ERG: variants seen among roughly 807,000 people sequenced by gnomAD.
ERG encodes the protein ETS transcription factor ERG.
Under a neutral mutation model 55.3 loss-of-function variants are expected in ERG, and 9 were observed. The ratio of observed to expected loss-of-function variants is 0.16; its 90% CI spans 0.10 to 0.28. The LOEUF (loss-of-function observed/expected upper bound fraction) is 0.28. Among genes scored for constraint, ERG ranks in the 10% least tolerant of loss-of-function variants. The probability of loss-of-function intolerance (pLI) is 1.00; values close to 1 mark genes in which losing one functional copy is unlikely to be tolerated. For synonymous variants in ERG, 223 were observed against 237.3 expected (o/e 0.94, Z 0.55); for missense variants, 434 against 631.6 (o/e 0.69, Z 3.35).
chr21:38,425,329 G>A (rs1348850798), intron 2 of ERG, among the ~76,000 whole-genome samples: 1 of 151,972 alleles, frequency 6.6e-6, no homozygotes, highest in Non-Finnish European at 1.5e-5. Flanking sequence ...AGGTCGTGGT[G>A]AGCTGAGATG....
At chr21:38,525,195 C>A (rs2059621496) in intron 2 of ERG, among the ~76,000 whole-genome samples, 1 of 152,146 alleles carries the variant, frequency 6.6e-6, no homozygotes, top group South Asian at 2.1e-4. Context: ...GATTCTCAAG[C>A]CCCTCCCTAC....
At chr21:38,376,713 C>T (rs1228596576), downstream of ERG, among the ~76,000 whole-genome samples, 1 of 152,264 alleles carries the variant, frequency 6.6e-6, no homozygotes, top group Admixed American at 6.5e-5. Flanking sequence ...ATCCTGAGGC[C>T]GCTGTATGGT....
At chr21:38,627,178 A>T (rs1030598140) in intron 1 of ERG, among the ~76,000 whole-genome samples, 1 of 152,210 alleles carries the variant, frequency 6.6e-6, no homozygotes, top group Non-Finnish European at 1.5e-5. Flanking sequence ...TCTAAAAATG[A>T]ATGTCTTAAG....
At position 38,509,004 on chromosome 21, in the gene ERG, C is replaced by G. The variant is rs188911098; in HGVS notation, c.-41+66658G>C. On this transcript the variant is annotated intron_variant, in intron 2 of 8. Coordinates refer to the ERG transcript ENST00000398897. Reference sequence around the variant, plus strand: ...TCCAGTCATCAGTCCCAGCCCACAGCCAGCATTAACCCCCAGAGGTATAAA... The same window carrying G: ...TCCAGTCATCAGTCCCAGCCCACAGGCAGCATTAACCCCCAGAGGTATAAA... Among the ~76,000 whole-genome samples the G allele has an allele frequency of 3.2e-4, 48 of 152,290 alleles. 1 individual carries two copies. The East Asian group carries it at 8.3e-3, about 26-fold the overall frequency.
rs909524238 is a variant in ERG at position 38,381,941 on chromosome 21, T to C, written c.*1462A>G. ...ACAAGTTCCTGGACAAAGTAAATTATAACACAAAATCCACAACATTCAGCA... is the reference window on the plus strand; with the variant it reads ...ACAAGTTCCTGGACAAAGTAAATTACAACACAAAATCCACAACATTCAGCA... On this transcript the variant is annotated 3_prime_UTR_variant, in exon 10 of 10. Coordinates refer to ENST00000288319, the MANE Select transcript of ERG (RefSeq NM_182918.4). 5 of 1,062,974 alleles carry C rather than the reference T, an allele frequency of 4.7e-6. No individual in the cohort carries two copies. Among genetic ancestry groups the C allele is most frequent in the East Asian group, 5.1e-5 (1 of 19,718 alleles). 65.8% of individuals were successfully genotyped at this position (1,062,974 alleles called of 1,614,324 possible). A position where few individuals can be genotyped will look rare whatever the true frequency, so the allele number is the denominator to read the frequency against.
chr21:38,422,509 C>G (rs9977445), intron 3 of ERG, among the ~76,000 whole-genome samples: 9,918 of 152,286 alleles, frequency 0.065, 436 homozygotes, highest in Non-Finnish European at 0.088. Context: ...GCAAAGATTG[C>G]TTGAGATCAC....
At chr21:38,477,540 T>G (rs1420741977) in intron 1 of ERG, among the ~76,000 whole-genome samples, 1 of 152,202 alleles carries the variant, frequency 6.6e-6, no homozygotes, top group Non-Finnish European at 1.5e-5. Context: ...ACCGAGTGGT[T>G]AGAGAATCTA....
At chr21:38,543,013 T>C (rs542249539) in intron 2 of ERG, among the ~76,000 whole-genome samples, 1 of 152,298 alleles carries the variant, frequency 6.6e-6, no homozygotes, top group South Asian at 2.1e-4. Flanking sequence ...CAAGCTCTGT[T>C]CTTCAAAATT....
chr21:38,461,812 T>A (rs2059045526), intron 1 of ERG, among the ~76,000 whole-genome samples: 1 of 152,240 alleles, frequency 6.6e-6, no homozygotes, highest in African/African-American at 2.4e-5. Context: ...TTTATTTATT[T>A]TTATTTTTTG....
At chr21:38,406,614 TTTTTG>T (rs1218736126) in intron 3 of ERG, among the ~76,000 whole-genome samples, 2 of 152,148 alleles carry the variant, frequency 1.3e-5, no homozygotes, top group African/African-American at 4.8e-5. Flanking sequence ...GAAACCCACC[TTTTTG>T]TTTTGTTTTG....
intron 2 of ERG, among the ~76,000 whole-genome samples, chr21:38,562,909 T>G (rs1342210372): frequency 6.6e-6 from 1 of 152,174 alleles, no homozygotes; most frequent in Non-Finnish European, 1.5e-5. Flanking sequence ...ATATATAGTA[T>G]TCACCTAATT....
chr21:38,423,268 G>A, intron 3 of ERG, 142 bp downstream of exon 3: 1 of 769,266 alleles, frequency 1.3e-6, no homozygotes, highest in Non-Finnish European at 2.0e-6. Flanking sequence ...ATAGACCTCT[G>A]CCAGCTCCCA....
intron 1 of ERG, chr21:38,575,871 T>G: frequency 1.4e-6 from 1 of 729,232 alleles, no homozygotes; most frequent in East Asian, 2.7e-5. Context: ...TAAACATGTT[T>G]GCCTAAAGGC....
intron 1 of ERG, among the ~76,000 whole-genome samples, chr21:38,603,915 C>T (rs909417469): frequency 1.1e-4 from 16 of 151,680 alleles, no homozygotes; most frequent in African/African-American, 3.6e-4. Flanking sequence ...TTTGTTAATG[C>T]CTTCACGTAT....
chr21:38,494,144 C>T (rs976316546), intron 1 of ERG, among the ~76,000 whole-genome samples: 3 of 152,148 alleles, frequency 2.0e-5, no homozygotes, highest in South Asian at 2.1e-4. Context: ...TCTGCGGCCA[C>T]GTAAGGTGAG....
At chr21:38,589,203 C>T (rs1264485270), upstream of ERG, among the ~76,000 whole-genome samples, 1 of 152,172 alleles carries the variant, frequency 6.6e-6, no homozygotes, top group Non-Finnish European at 1.5e-5. Context: ...GCTACCCTCA[C>T]TCCAAGAAGT....
chr21:38,394,354 ATC>A (rs145022747), intron 6 of ERG, among the ~76,000 whole-genome samples: 2,981 of 151,584 alleles, frequency 0.02, 86 homozygotes, highest in African/African-American at 0.067. Context: ...TTTGTTTATT[ATC>A]TTTTTTTTTT....
chr21:38,385,868 G>A (rs1207173416), intron 9 of ERG, among the ~76,000 whole-genome samples: 1 of 152,180 alleles, frequency 6.6e-6, no homozygotes, highest in Non-Finnish European at 1.5e-5. Flanking sequence ...AATAGGAAAA[G>A]GCATGGATTT....
At chr21:38,430,265 T>C (rs1990143944) in intron 2 of ERG, among the ~76,000 whole-genome samples, 1 of 152,224 alleles carries the variant, frequency 6.6e-6, no homozygotes, top group Admixed American at 6.5e-5. Flanking sequence ...GATGAAATTA[T>C]TTATTTTTTT....
Sources: allele counts gnomAD v4.1 joint callset (sites outside exome capture counted in the v4.1 genomes callset), GRCh38; gene constraint gnomAD v4.1.1; transcripts MANE v1.5; gene names NCBI Gene and HGNC (gene_info 2026-07-23, HGNC 2026-07-21).